Variants in OSBPL1A observed in about 807,000 individuals in gnomAD.
OSBPL1A encodes the protein oxysterol-binding protein-related protein 1.
Under a neutral mutation model 137.1 loss-of-function variants are expected in OSBPL1A, and 80 were observed. The ratio of observed to expected loss-of-function variants is 0.58; its 90% CI spans 0.49 to 0.70. OSBPL1A has a LOEUF of 0.70. Ranked by LOEUF, OSBPL1A falls within the 30% of genes least tolerant of loss-of-function variation. The pLI is 0.00. For missense variants in OSBPL1A, 970 were observed against 1,129.4 expected (o/e 0.86, Z 2.02); for synonymous variants, 365 against 389.7 (o/e 0.94, Z 0.75).
At chr18:24,381,780 A>C (rs1449533943) in intron 1 of OSBPL1A, among the ~76,000 whole-genome samples, 1 of 151,522 alleles carries the variant, frequency 6.6e-6, no homozygotes, top group African/African-American at 2.4e-5. Context: ...CAACATGGCA[A>C]AAAAACTCCA....
At chr18:24,376,706 A>G (rs1400034544) in intron 2 of OSBPL1A, among the ~76,000 whole-genome samples, 6 of 152,246 alleles carry the variant, frequency 3.9e-5, no homozygotes, top group African/African-American at 1.2e-4. Context: ...GGCCGACTGC[A>G]GGTCCTGAGC....
intron 5 of OSBPL1A, 130 bp from the exon 6 acceptor site, chr18:24,334,460 T>C (rs1029432922): frequency 3.5e-6 from 2 of 567,494 alleles, no homozygotes; most frequent in Non-Finnish European, 2.9e-6. Context: ...AGTTAAAATT[T>C]ATTGTTATTA....
At chr18:24,302,546 C>G (rs554100811) in intron 14 of OSBPL1A, 1 of 152,170 alleles carries the variant, frequency 6.6e-6, no homozygotes, top group South Asian at 2.1e-4. Context: ...GCCTCAGCCT[C>G]TTGAGTAGAT....
At chr18:24,349,580 A>G (rs1035901514) in intron 4 of OSBPL1A, among the ~76,000 whole-genome samples, 1 of 152,202 alleles carries the variant, frequency 6.6e-6, no homozygotes, top group Non-Finnish European at 1.5e-5. Context: ...TCCCAGGCAG[A>G]CACGACCTAT....
chr18:24,196,044 T>C, intron 18 of OSBPL1A, 81 bp downstream of exon 18: 5 of 1,152,494 alleles, frequency 4.3e-6, no homozygotes, highest in Non-Finnish European at 6.3e-6. Context: ...ACCACTTTAA[T>C]GCAAACTTTT....
chr18:24,280,537 C>T (rs1417607966), intron 15 of OSBPL1A, among the ~76,000 whole-genome samples: 3 of 152,104 alleles, frequency 2.0e-5, no homozygotes, highest in African/African-American at 7.2e-5. Flanking sequence ...ATGTAAAGAC[C>T]TTCTGTTTCT....
chr18:24,221,216 G>T (rs1007113015), intron 17 of OSBPL1A, among the ~76,000 whole-genome samples: 1 of 152,074 alleles, frequency 6.6e-6, no homozygotes, highest in Non-Finnish European at 1.5e-5. Context: ...CTTAGCTTAC[G>T]TTTTCAGCCT....
chr18:24,368,680 C>A (rs1905367947), intron 2 of OSBPL1A: 1 of 247,708 alleles, frequency 4.0e-6, no homozygotes, highest in Admixed American at 4.7e-5. Flanking sequence ...AGTCTTTAAT[C>A]ATCTTGCCAT....
chr18:24,285,884 C>T (rs1407241033), intron 14 of OSBPL1A, among the ~76,000 whole-genome samples: 4 of 152,074 alleles, frequency 2.6e-5, no homozygotes, highest in Non-Finnish European at 5.9e-5. Flanking sequence ...AGGCTGGGCG[C>T]GGTGGTTGAT....
intron 15 of OSBPL1A, among the ~76,000 whole-genome samples, chr18:24,260,932 T>C (rs1339078042): frequency 6.6e-6 from 1 of 151,880 alleles, no homozygotes; most frequent in Non-Finnish European, 1.5e-5. Flanking sequence ...AAAGCTTATG[T>C]CCACATAAAT....
chr18:24,313,762 TG>T (rs1484948361), intron 12 of OSBPL1A, among the ~76,000 whole-genome samples: 2 of 152,180 alleles, frequency 1.3e-5, no homozygotes, highest in Non-Finnish European at 2.9e-5. Context: ...AGGTACATGT[TG>T]ATAAAGAACT....
chr18:24,204,056 G>A (rs951412006), intron 17 of OSBPL1A, among the ~76,000 whole-genome samples: 29 of 152,114 alleles, frequency 1.9e-4, no homozygotes, highest in Non-Finnish European at 5.9e-5. Flanking sequence ...GCAGAGCACC[G>A]GGGTTAAAAC....
rs550765671 is a variant in OSBPL1A, at chr18:24,305,746, C to T, written c.1093-2028G>A. Reference sequence around the variant, plus strand: ...ATCCCCATGTTTTGTGGGAGGAACCCGGTGGGAGGTAATTGAATCATGGGG... The same window carrying T: ...ATCCCCATGTTTTGTGGGAGGAACCTGGTGGGAGGTAATTGAATCATGGGG... On this transcript the variant is annotated intron_variant, in intron 13 of 27. Transcript: ENST00000319481. 3.9e-5 allele frequency among the ~76,000 whole-genome samples: 6 copies of T among 152,194 alleles called. No homozygotes were observed. The South Asian group carries it at 1.0e-3, about 26-fold the overall frequency.
chr18:24,256,009 G>A (rs527292380), intron 15 of OSBPL1A, among the ~76,000 whole-genome samples: 14 of 152,126 alleles, frequency 9.2e-5, no homozygotes, highest in African/African-American at 3.1e-4. Context: ...TGGCCAGGCT[G>A]GTCTCGAACT....
intron 13 of OSBPL1A, among the ~76,000 whole-genome samples, chr18:24,308,062 A>G (rs56183663): frequency 0.11 from 16,423 of 151,640 alleles, 1,086 homozygotes; most frequent in South Asian, 0.16. Context: ...CTTAAATCAG[A>G]AAAGCTTTAT....
intron 17 of OSBPL1A, among the ~76,000 whole-genome samples, chr18:24,224,329 C>T (rs2087995036): frequency 6.6e-6 from 1 of 152,102 alleles, no homozygotes; most frequent in Admixed American, 6.6e-5. Flanking sequence ...ATTAATAACT[C>T]CTTACCCAAA....
At chr18:24,319,243 T>G (rs1002482553) in intron 7 of OSBPL1A, among the ~76,000 whole-genome samples, 1 of 152,178 alleles carries the variant, frequency 6.6e-6, no homozygotes, top group Non-Finnish European at 1.5e-5. Context: ...TCTTCCTCCA[T>G]CTCCAAAGCA....
At chr18:24,348,461 T>C (rs2091383827) in intron 4 of OSBPL1A, among the ~76,000 whole-genome samples, 1 of 152,200 alleles carries the variant, frequency 6.6e-6, no homozygotes, top group African/African-American at 2.4e-5. Flanking sequence ...GAGGTTAATA[T>C]GTTTTATACA....
intron 2 of OSBPL1A, among the ~76,000 whole-genome samples, chr18:24,374,476 G>A (rs1905926883): frequency 6.6e-6 from 1 of 152,176 alleles, no homozygotes; most frequent in Non-Finnish European, 1.5e-5. Flanking sequence ...ATAGAGAACA[G>A]GCAAGCTGCT....
Sources: allele counts gnomAD v4.1 joint callset (sites outside exome capture counted in the v4.1 genomes callset), GRCh38; gene constraint gnomAD v4.1.1; transcripts MANE v1.5; gene names NCBI Gene and HGNC (gene_info 2026-07-23, HGNC 2026-07-21).